The following RRM2 variants were observed in gnomAD, a reference collection of about 807,000 sequenced individuals.
The protein encoded by RRM2 is ribonucleotide reductase regulatory subunit M2, also known as ribonucleoside-diphosphate reductase subunit M2.
In RRM2, 6 loss-of-function variants were observed where a neutral mutation model predicts 45.9. That is an observed-to-expected ratio of 0.13 (90% CI 0.07 to 0.26). RRM2 has a LOEUF of 0.26. Ranked by LOEUF, RRM2 falls within the 10% of genes least tolerant of loss-of-function variation. The probability of loss-of-function intolerance (pLI) is 1.00; values close to 1 mark genes in which losing one functional copy is unlikely to be tolerated. For synonymous variants in RRM2, 177 were observed against 173.0 expected (o/e 1.02, Z -0.18); for missense variants, 343 against 489.5 (o/e 0.70, Z 2.82).
In RRM2 at chr2:10,142,403, G is replaced by C; in HGVS notation, n.482+28G>C. 2.2e-6 allele frequency: 3 copies of C among 1,368,378 alleles called. No individual in the cohort carries two copies. The South Asian group carries it at 3.4e-5, about 16-fold the overall frequency. The allele number at this position is 1,368,378 out of a possible 1,614,324, so 84.8% of individuals were successfully genotyped here. A position where few individuals can be genotyped will look rare whatever the true frequency, so the allele number is the denominator to read the frequency against. ...GAGAAATGATGGCAACTCGCACGGT[G>C]GGGGAAGAGGGGCCACTGTGGAGGT... On this transcript the variant is annotated intron_variant and non_coding_transcript_variant, in intron 3 of 3. Coordinates refer to the RRM2 transcript ENST00000381786.
At chr2:10,177,828 A>T (rs1379616628) in intron 3 of RRM2, among the ~76,000 whole-genome samples, 1 of 150,894 alleles carries the variant, frequency 6.6e-6, no homozygotes, top group Non-Finnish European at 1.5e-5. Context: ...CACTATGTTG[A>T]CCAGGCTGGT....
At chr2:10,151,149 A>G (rs1027954070) in intron 3 of RRM2, among the ~76,000 whole-genome samples, 39 of 151,968 alleles carry the variant, frequency 2.6e-4, no homozygotes, top group Admixed American at 7.9e-4. Context: ...GTTGTATATA[A>G]CAATGGTTCA....
At chr2:10,174,981 G>A (rs1663884330) in intron 3 of RRM2, among the ~76,000 whole-genome samples, 1 of 152,152 alleles carries the variant, frequency 6.6e-6, no homozygotes, top group East Asian at 1.9e-4. Context: ...AAGAGGAAAA[G>A]ATGCCCAAAT....
intron 3 of RRM2, among the ~76,000 whole-genome samples, chr2:10,184,719 G>C (rs543369391): frequency 1.2e-4 from 18 of 152,362 alleles, no homozygotes; most frequent in African/African-American, 4.3e-4. Context: ...GGCAGGCCCA[G>C]AATGGCCCTG....
chr2:10,153,283 A>AAG (rs1307191171), intron 3 of RRM2, among the ~76,000 whole-genome samples: 4 of 152,104 alleles, frequency 2.6e-5, no homozygotes, highest in Non-Finnish European at 5.9e-5. Flanking sequence ...GCAGTGAGCC[A>AAG]AGATCATGCC....
chr2:10,173,244 G>A (rs575982406), intron 3 of RRM2, among the ~76,000 whole-genome samples: 2 of 152,220 alleles, frequency 1.3e-5, no homozygotes, highest in South Asian at 2.1e-4. Flanking sequence ...CAGGGGTGTC[G>A]GCCACGAAGA....
At chr2:10,175,600 T>A (rs12621801) in intron 3 of RRM2, among the ~76,000 whole-genome samples, 47,541 of 151,608 alleles carry the variant, frequency 0.31, 7,714 homozygotes, top group South Asian at 0.49. Flanking sequence ...TAAAAAAAAA[T>A]TTTATTTTAG....
intron 3 of RRM2, among the ~76,000 whole-genome samples, chr2:10,179,774 T>G (rs1412349927): frequency 1.3e-5 from 2 of 152,166 alleles, no homozygotes; most frequent in Non-Finnish European, 2.9e-5. Context: ...AAATCCTGAG[T>G]TGAACCATCA....
chr2:10,193,110 G>T (rs1338347393), intron 3 of RRM2, among the ~76,000 whole-genome samples: 1 of 152,174 alleles, frequency 6.6e-6, no homozygotes, highest in African/African-American at 2.4e-5. Context: ...CAAGCCAGAA[G>T]CCTCAGGTGG....
At chr2:10,142,382 A>C (rs751842875) in intron 3 of RRM2, 3 of 1,370,006 alleles carry the variant, frequency 2.2e-6, no homozygotes, top group South Asian at 1.1e-5. Flanking sequence ...TCAGGTGAGA[A>C]ATGATGGCAA....
rs5030760 is a variant in RRM2 at position 10,130,279 on chromosome 2, T to G, written c.*893T>G. 6.6e-6 allele frequency: 1 copy of G among 152,222 alleles called. No homozygotes were observed. Among genetic ancestry groups the G allele is most frequent in the Non-Finnish European group, 1.5e-5 (1 of 68,042 alleles). The allele number at this position is 152,222 out of a possible 1,614,324, so 9.4% of individuals were successfully genotyped here. On this transcript the variant is annotated 3_prime_UTR_variant, in exon 10 of 10. Transcript: ENST00000304567. ...TTCATATGTGGGAGCTAAGGTAGTA[T>G]TGTAAAATTTCAAGTCATCCTTAAA... is the stretch of plus-strand genomic sequence containing the variant.
chr2:10,150,145 C>T (rs1663275402), intron 3 of RRM2, among the ~76,000 whole-genome samples: 1 of 152,020 alleles, frequency 6.6e-6, no homozygotes, highest in African/African-American at 2.4e-5. Context: ...GAAACCCCAT[C>T]TCTACTAAAA....
chr2:10,203,612 G>T (rs146767193), intron 3 of RRM2, among the ~76,000 whole-genome samples: 2 of 152,206 alleles, frequency 1.3e-5, no homozygotes, highest in Admixed American at 1.3e-4. Context: ...TTAGCCAGGC[G>T]TGGTGGTGCA....
intron 4 of RRM2, 99 bp from the exon 5 acceptor site, chr2:10,124,618 C>A: frequency 7.6e-7 from 1 of 1,319,802 alleles, no homozygotes; most frequent in Non-Finnish European, 1.1e-6. Context: ...TAGAAATAAA[C>A]CTTATAATGG....
intron 3 of RRM2, among the ~76,000 whole-genome samples, chr2:10,175,322 G>A (rs1294351848): frequency 6.6e-6 from 1 of 152,224 alleles, no homozygotes; most frequent in East Asian, 1.9e-4. Context: ...GAACCATGTT[G>A]TATGTGGTCT....
At chr2:10,194,894 G>C (rs1366096461) in intron 3 of RRM2, among the ~76,000 whole-genome samples, 1 of 152,116 alleles carries the variant, frequency 6.6e-6, no homozygotes, top group Admixed American at 6.5e-5. Context: ...CATTTCTGAG[G>C]CTGCCTTGTG....
At chr2:10,142,708 C>T (rs981199254) in intron 3 of RRM2, among the ~76,000 whole-genome samples, 1 of 152,136 alleles carries the variant, frequency 6.6e-6, no homozygotes, top group Non-Finnish European at 1.5e-5. Flanking sequence ...CAGTCCATTG[C>T]ACACATAGCA....
intron 5 of RRM2, among the ~76,000 whole-genome samples, chr2:10,125,501 C>G (rs964441174): frequency 6.6e-6 from 1 of 152,024 alleles, no homozygotes; most frequent in Admixed American, 6.6e-5. Context: ...GTCAGGAGAT[C>G]GAGACCATCC....
intron 3 of RRM2, among the ~76,000 whole-genome samples, chr2:10,180,789 A>C: frequency 6.6e-6 from 1 of 152,010 alleles, no homozygotes; most frequent in Non-Finnish European, 1.5e-5. Context: ...TTGAGATGAG[A>C]CGGAGTCTCA....
Sources: allele counts gnomAD v4.1 joint callset (sites outside exome capture counted in the v4.1 genomes callset), GRCh38; gene constraint gnomAD v4.1.1; transcripts MANE v1.5; gene names NCBI Gene and HGNC (gene_info 2026-07-23, HGNC 2026-07-21).